Variants in NPFFR2 observed in about 807,000 individuals in gnomAD.
NPFFR2 encodes the protein neuropeptide FF receptor 2.
NPFFR2 carries 15 observed loss-of-function variants against 13.1 expected under a neutral mutation model. That is an observed-to-expected ratio of 1.15 (90% confidence interval 0.77 to 1.76). NPFFR2 has a LOEUF of 1.76. NPFFR2 is among the 40% of genes most tolerant of loss of function. The probability of loss-of-function intolerance (pLI) is 0.00; values close to 1 mark genes in which losing one functional copy is unlikely to be tolerated. For missense variants in NPFFR2, 572 were observed against 503.5 expected, an observed-to-expected ratio of 1.14 and a Z score of -1.30; for synonymous variants, 190 against 175.7, an observed-to-expected ratio of 1.08 and a Z score of -0.65.
chr4:72,122,938 G>C (rs764851784), intron 1 of NPFFR2, among the ~76,000 whole-genome samples: 1 of 152,048 alleles, frequency 6.6e-6, no homozygotes, highest in Admixed American at 6.6e-5. Context: ...CATGAAAAAC[G>C]CTTGAAAATA....
At chr4:72,094,211 C>T (rs1404312818) in intron 1 of NPFFR2, among the ~76,000 whole-genome samples, 1 of 152,192 alleles carries the variant, frequency 6.6e-6, no homozygotes, top group Non-Finnish European at 1.5e-5. Flanking sequence ...GCTGTGTATA[C>T]TAACACCTCC....
At chr4:72,124,346 C>A (rs1217367970) in intron 1 of NPFFR2, among the ~76,000 whole-genome samples, 1 of 152,086 alleles carries the variant, frequency 6.6e-6, no homozygotes, top group East Asian at 1.9e-4. Context: ...AGAGTCAATG[C>A]TATCCCCATC....
At chr4:72,042,404 G>A (rs1207113421) in intron 1 of NPFFR2, among the ~76,000 whole-genome samples, 1 of 152,136 alleles carries the variant, frequency 6.6e-6, no homozygotes, top group East Asian at 1.9e-4. Context: ...ATCCAGAATG[G>A]GGTGCTGCTA....
intron 1 of NPFFR2, among the ~76,000 whole-genome samples, chr4:72,098,660 C>T (rs1378905249): frequency 6.6e-6 from 1 of 152,150 alleles, no homozygotes; most frequent in African/African-American, 2.4e-5. Context: ...CTTTCTGCTT[C>T]ATCCAAGTTG....
intron 2 of NPFFR2, among the ~76,000 whole-genome samples, chr4:72,136,891 G>A (rs2109842597): frequency 6.6e-6 from 1 of 152,258 alleles, no homozygotes; most frequent in Non-Finnish European, 1.5e-5. Flanking sequence ...ACATTTAGTA[G>A]TATCTGGCAC....
intron 1 of NPFFR2, among the ~76,000 whole-genome samples, chr4:72,109,169 A>G (rs892158297): frequency 1.3e-5 from 2 of 152,030 alleles, no homozygotes; most frequent in African/African-American, 4.8e-5. Context: ...AAGAAGTCCA[A>G]GGATTTTCTT....
chr4:72,069,027 A>G, intron 1 of NPFFR2: 5 of 1,016,380 alleles, frequency 4.9e-6, no homozygotes, highest in Non-Finnish European at 6.9e-6. Context: ...CTGCTATGTA[A>G]GTATTCTAAT....
At chr4:72,035,763 A>T (rs554332993) in intron 1 of NPFFR2, among the ~76,000 whole-genome samples, 1 of 152,334 alleles carries the variant, frequency 6.6e-6, no homozygotes, top group Non-Finnish European at 1.5e-5. Context: ...TTTCAGCTGT[A>T]TTTCCATTTA....
At chr4:72,070,958 A>G (rs536868152) in intron 1 of NPFFR2, among the ~76,000 whole-genome samples, 15 of 152,260 alleles carry the variant, frequency 9.9e-5, no homozygotes, top group Admixed American at 2.6e-4. Flanking sequence ...CCAATAGTTC[A>G]TGTTCTTTGA....
At chr4:72,136,172 A>G (rs779866229) in intron 2 of NPFFR2, among the ~76,000 whole-genome samples, 5 of 152,158 alleles carry the variant, frequency 3.3e-5, no homozygotes, top group Admixed American at 6.6e-5. Flanking sequence ...CCTAGGCAAC[A>G]TAATGAGACC....
intron 1 of NPFFR2, among the ~76,000 whole-genome samples, chr4:72,089,944 T>G (rs529107807): frequency 1.3e-5 from 2 of 152,272 alleles, no homozygotes; most frequent in African/African-American, 2.4e-5. Flanking sequence ...TCTAGAATTT[T>G]TATGGTTTCA....
chr4:72,105,835 A>G (rs570816432), intron 1 of NPFFR2, among the ~76,000 whole-genome samples: 1 of 152,080 alleles, frequency 6.6e-6, no homozygotes, highest in Non-Finnish European at 1.5e-5. Context: ...ATGCTAGACT[A>G]TTCCTAGATA....
At chr4:72,060,728 A>T (rs564977733) in intron 1 of NPFFR2, among the ~76,000 whole-genome samples, 1 of 152,038 alleles carries the variant, frequency 6.6e-6, no homozygotes, top group East Asian at 1.9e-4. Context: ...TTATTTGGGG[A>T]TTTTTCCGAT....
chr4:72,087,283 G>T (rs1334730606), intron 1 of NPFFR2, among the ~76,000 whole-genome samples: 3 of 152,066 alleles, frequency 2.0e-5, no homozygotes, highest in Non-Finnish European at 4.4e-5. Flanking sequence ...TCTATGAATT[G>T]CTTTACTAAA....
intron 1 of NPFFR2, among the ~76,000 whole-genome samples, chr4:72,035,431 A>G (rs1414909736): frequency 6.6e-6 from 1 of 152,238 alleles, no homozygotes; most frequent in Non-Finnish European, 1.5e-5. Flanking sequence ...ACCAGAGACC[A>G]GGAAAAGAGA....
At chr4:72,116,161 T>G (rs184954511) in intron 1 of NPFFR2, among the ~76,000 whole-genome samples, 24 of 152,312 alleles carry the variant, frequency 1.6e-4, no homozygotes, top group African/African-American at 5.8e-4. Context: ...CTTTAATGTT[T>G]GTACTAAAGA....
At chr4:72,056,368 T>A (rs1719744228) in intron 1 of NPFFR2, among the ~76,000 whole-genome samples, 1 of 152,020 alleles carries the variant, frequency 6.6e-6, no homozygotes, top group African/African-American at 2.4e-5. Flanking sequence ...TACTCTATAC[T>A]TTCAGCCCAC....
intron 2 of NPFFR2, 31 bp from the exon 3 acceptor site, chr4:72,138,009 C>A (rs1358013077): frequency 1.3e-6 from 2 of 1,508,880 alleles, no homozygotes; most frequent in Non-Finnish European, 1.8e-6. Context: ...AAAATATGAT[C>A]TTTTGAAAGA....
intron 1 of NPFFR2, among the ~76,000 whole-genome samples, chr4:72,035,000 C>T (rs1719008960): frequency 6.6e-6 from 1 of 152,350 alleles, no homozygotes; most frequent in Admixed American, 6.5e-5. Context: ...AATCATTTAA[C>T]TTCTCTATGT....
Sources: gnomAD v4.1 joint callset for allele counts (sites outside exome capture counted in the v4.1 genomes callset) on GRCh38, gnomAD v4.1.1 for gene constraint, MANE v1.5 for transcripts, NCBI Gene and HGNC (gene_info 2026-07-23, HGNC 2026-07-21) for gene names.